Variants in MEF2C observed in about 807,000 individuals in gnomAD.
MEF2C encodes the protein myocyte-specific enhancer factor 2C.
A neutral mutation model predicts 50.5 loss-of-function variants in MEF2C; 6 were observed. The ratio of observed to expected loss-of-function variants is 0.12; its 90% CI spans 0.07 to 0.23. The LOEUF is 0.23. MEF2C is among the 10% of genes least tolerant of loss of function. MEF2C has a pLI of 1.00. For missense variants in MEF2C, 276 were observed against 605.0 expected, an observed-to-expected ratio of 0.46 and a Z score of 5.70; for synonymous variants, 183 against 228.0, an observed-to-expected ratio of 0.80 and a Z score of 1.78.
Position 88,840,034 on chromosome 5 carries a change from C to T in MEF2C, c.-142-16104G>A, listed in dbSNP as rs369099734. ...TCATCTAAGGTAAGAGTAGAAACAC[C>T]GGATATTAATATTGGCAAGAGTTAT... On this transcript the variant is annotated intron_variant, in intron 1 of 10. Transcript: ENST00000504921. Among the ~76,000 whole-genome samples the T allele has an allele frequency of 4.6e-5, 7 of 152,192 alleles. No individual in the cohort carries two copies. The East Asian group carries it at 5.8e-4, about 13-fold the overall frequency.
At chr5:88,811,430 A>C (rs994298124) in intron 2 of MEF2C, among the ~76,000 whole-genome samples, 1 of 152,126 alleles carries the variant, frequency 6.6e-6, no homozygotes, top group Non-Finnish European at 1.5e-5. Context: ...GCTGCATATC[A>C]AGGAAGGTGT....
chr5:88,787,485 C>T (rs657330), intron 3 of MEF2C, among the ~76,000 whole-genome samples: 1 of 152,136 alleles, frequency 6.6e-6, no homozygotes, highest in African/African-American at 2.4e-5. Context: ...ACATAACTCG[C>T]CCTCCGTTAG....
At chr5:88,756,793 T>C (rs1775534016) in intron 4 of MEF2C, among the ~76,000 whole-genome samples, 1 of 152,158 alleles carries the variant, frequency 6.6e-6, no homozygotes, top group South Asian at 2.1e-4. Context: ...AAACAATTTT[T>C]TTTTTTTGTC....
At chr5:88,872,163 G>A (rs1829721292) in intron 1 of MEF2C, among the ~76,000 whole-genome samples, 1 of 151,896 alleles carries the variant, frequency 6.6e-6, no homozygotes, top group Admixed American at 6.6e-5. Flanking sequence ...TACAAAAGTG[G>A]ATAATACTAA....
intron 5 of MEF2C, chr5:88,751,212 A>T: frequency 1.0e-6 from 1 of 984,060 alleles, no homozygotes; most frequent in Non-Finnish European, 1.2e-6. Flanking sequence ...TTTTTCTGAG[A>T]AATAATTTAT....
intron 1 of MEF2C, among the ~76,000 whole-genome samples, chr5:88,902,344 A>T (rs975069497): frequency 3.9e-5 from 6 of 152,062 alleles, no homozygotes; most frequent in African/African-American, 1.2e-4. Context: ...ATATATTTTT[A>T]AATGTTTTAA....
chr5:88,776,761 T>C (rs1253371076), intron 3 of MEF2C, among the ~76,000 whole-genome samples: 1 of 152,212 alleles, frequency 6.6e-6, no homozygotes, highest in Non-Finnish European at 1.5e-5. Context: ...TCCCTTGCTA[T>C]GTGAACTCAT....
At chr5:88,811,588 T>C (rs2153124450) in intron 2 of MEF2C, among the ~76,000 whole-genome samples, 1 of 152,286 alleles carries the variant, frequency 6.6e-6, no homozygotes, top group African/African-American at 2.4e-5. Flanking sequence ...GCATGCACCC[T>C]ACAGAATCTC....
intron 3 of MEF2C, among the ~76,000 whole-genome samples, chr5:88,778,710 A>C (rs1199504761): frequency 6.6e-6 from 1 of 152,258 alleles, no homozygotes; most frequent in Non-Finnish European, 1.5e-5. Flanking sequence ...AGGAAAAATA[A>C]AGTAAATGAC....
chr5:88,876,564 T>C (rs549132741), intron 1 of MEF2C, among the ~76,000 whole-genome samples: 1 of 151,972 alleles, frequency 6.6e-6, no homozygotes, highest in Non-Finnish European at 1.5e-5. Flanking sequence ...AGCAGACAAA[T>C]TTCTTTGTCT....
intron 1 of MEF2C, chr5:88,838,643 T>C (rs1816103533): frequency 1.0e-6 from 1 of 985,232 alleles, no homozygotes; most frequent in Non-Finnish European, 1.2e-6. Flanking sequence ...TCCTTCAAAG[T>C]ACCTTGAGTA....
At chr5:88,812,817 TGTTA>T (rs981936575) in intron 2 of MEF2C, among the ~76,000 whole-genome samples, 65 of 152,222 alleles carry the variant, frequency 4.3e-4, no homozygotes, top group South Asian at 1.5e-3. Context: ...TCTTTCTTTC[TGTTA>T]GTTAGTGTTC....
intron 1 of MEF2C, among the ~76,000 whole-genome samples, chr5:88,854,890 C>T (rs1369260628): frequency 1.3e-5 from 2 of 152,222 alleles, no homozygotes; most frequent in African/African-American, 2.4e-5. Context: ...TGAATCACAA[C>T]TACCTCAGTA....
chr5:88,872,788 T>C (rs1829902044), intron 1 of MEF2C, among the ~76,000 whole-genome samples: 1 of 151,994 alleles, frequency 6.6e-6, no homozygotes, highest in African/African-American at 2.4e-5. Context: ...AACACCTGCC[T>C]AAAACCACTA....
intron 1 of MEF2C, among the ~76,000 whole-genome samples, chr5:88,835,610 G>C (rs566211692): frequency 6.6e-6 from 1 of 151,902 alleles, no homozygotes; most frequent in East Asian, 1.9e-4. Context: ...TCAGGAGTTC[G>C]AGACCAGCCT....
intron 1 of MEF2C, among the ~76,000 whole-genome samples, chr5:88,855,610 C>A (rs57223374): frequency 0.032 from 4,838 of 152,218 alleles, 270 homozygotes; most frequent in African/African-American, 0.11. Context: ...GTGGAGATAA[C>A]TGAATCATAG....
intron 3 of MEF2C, chr5:88,770,027 T>C (rs2152762931): frequency 2.0e-6 from 2 of 984,132 alleles, no homozygotes; most frequent in Non-Finnish European, 1.2e-6. Flanking sequence ...TTTTGAAGAA[T>C]GGGCAATGTT....
At chr5:88,790,952 A>G (rs1267808923) in intron 3 of MEF2C, among the ~76,000 whole-genome samples, 1 of 152,206 alleles carries the variant, frequency 6.6e-6, no homozygotes, top group African/African-American at 2.4e-5. Context: ...ACACTCCTTA[A>G]TGAAAAGAGC....
chr5:88,895,942 C>A (rs572030730), intron 1 of MEF2C, among the ~76,000 whole-genome samples: 26 of 152,144 alleles, frequency 1.7e-4, no homozygotes, highest in Non-Finnish European at 3.5e-4. Context: ...GAAAAGAATT[C>A]ATAATCCAAA....
Sources: gnomAD v4.1 joint callset for allele counts (sites outside exome capture counted in the v4.1 genomes callset) on GRCh38, gnomAD v4.1.1 for gene constraint, MANE v1.5 for transcripts, NCBI Gene and HGNC (gene_info 2026-07-23, HGNC 2026-07-21) for gene names.